UTP4: variants seen among roughly 807,000 people sequenced by gnomAD.
UTP4 encodes UTP4 small subunit processome component.
UTP4 carries 45 observed loss-of-function variants against 82.4 expected under a neutral mutation model. That is an observed-to-expected ratio of 0.55 (90% CI 0.43 to 0.70). The LOEUF is 0.70. Ranked by LOEUF, UTP4 falls within the 30% of genes least tolerant of loss-of-function variation. The probability of loss-of-function intolerance (pLI) is 0.00; values close to 1 mark genes in which losing one functional copy is unlikely to be tolerated. For missense variants in UTP4, 819 were observed against 858.3 expected, an observed-to-expected ratio of 0.95 and a Z score of 0.57; for synonymous variants, 348 against 300.3, an observed-to-expected ratio of 1.16 and a Z score of -1.64.
chr16:69,155,206 T>C (rs1963379230), intron 10 of UTP4, among the ~76,000 whole-genome samples: 1 of 152,120 alleles, frequency 6.6e-6, no homozygotes, highest in African/African-American at 2.4e-5. Context: ...CAGGGTCTCA[T>C]TGTGTTATCC....
intron 14 of UTP4, among the ~76,000 whole-genome samples, chr16:69,163,676 G>T (rs905480556): frequency 7.3e-6 from 1 of 137,232 alleles, no homozygotes; most frequent in Admixed American, 7.3e-5. Flanking sequence ...TGATTATAAG[G>T]AGATCTTTAA....
In UTP4 at chr16:69,165,337, T is replaced by G; in HGVS notation, c.1648-4T>G. 6.2e-7 allele frequency: 1 copy of G among 1,614,050 alleles called. No homozygotes were observed. Among genetic ancestry groups the G allele is most frequent in the Non-Finnish European group, 8.5e-7 (1 of 1,179,940 alleles). ...GCATTTCTCTATGTCATGTCCTCCCTCAGGTATTTGAGTACAGCATCCCAG... is the reference window on the plus strand; with the variant it reads ...GCATTTCTCTATGTCATGTCCTCCCGCAGGTATTTGAGTACAGCATCCCAG... On this transcript the variant is annotated splice_polypyrimidine_tract_variant and splice_region_variant and intron_variant, in intron 14 of 16. Transcript: ENST00000314423.
intron 6 of UTP4, among the ~76,000 whole-genome samples, chr16:69,145,550 G>GCATTTT (rs1963086454): frequency 6.6e-6 from 1 of 152,040 alleles, no homozygotes; most frequent in Non-Finnish European, 1.5e-5. Flanking sequence ...ACCGCCCCTG[G>GCATTTT]CTTTTTCTTT....
At chr16:69,137,649 C>T (rs958470041) in intron 3 of UTP4, 152 bp from the exon 4 acceptor site, 6 of 632,886 alleles carry the variant, frequency 9.5e-6, no homozygotes, top group Admixed American at 8.1e-5. Context: ...AGTACTTTCT[C>T]TCACAAATGA....
intron 16 of UTP4, among the ~76,000 whole-genome samples, chr16:69,168,162 C>T (rs545374928): frequency 1.3e-5 from 2 of 151,782 alleles, no homozygotes; most frequent in South Asian, 2.1e-4. Flanking sequence ...CTTGGCCGGG[C>T]GCAGTGGCTC....
intron 10 of UTP4, among the ~76,000 whole-genome samples, chr16:69,155,237 G>A (rs1348812553): frequency 6.6e-6 from 1 of 151,932 alleles, no homozygotes; most frequent in Non-Finnish European, 1.5e-5. Context: ...GCAGTGGCAC[G>A]GTCACGGCTC....
intron 13 of UTP4, 102 bp downstream of exon 13, chr16:69,160,564 A>G: frequency 2.5e-6 from 2 of 814,286 alleles, no homozygotes; most frequent in Non-Finnish European, 2.1e-6. Flanking sequence ...CTGGAAATTT[A>G]TTAGACTTTT....
rs1437630640 is a variant in UTP4, at chr16:69,168,885, ACAT to A, written c.2013_2015del (p.Ile672del). On this transcript the variant is annotated inframe_deletion, in exon 17 of 17. Transcript: ENST00000314423. ...GTGGCAGTAGAACGGCCTCTGGATGACATCATTGCTCAGCTCCCACCACCCATT... is the reference window on the plus strand; with the variant it reads ...GTGGCAGTAGAACGGCCTCTGGATGACATTGCTCAGCTCCCACCACCCATT... 1 of 1,614,076 alleles carries A rather than the reference ACAT, an allele frequency of 6.2e-7. No individual in the cohort carries two copies. The highest frequency in any genetic ancestry group is 1.7e-5 in the Admixed American group (1 of 60,008).
chr16:69,140,042 G>C (rs914239865), intron 5 of UTP4, 128 bp downstream of exon 5: 6 of 749,362 alleles, frequency 8.0e-6, no homozygotes, highest in African/African-American at 6.9e-5. Flanking sequence ...AATCTTCTGA[G>C]ATGTCCACAA....
chr16:69,165,705 G>T (rs1299457354), intron 15 of UTP4, 179 bp downstream of exon 15: 6 of 687,966 alleles, frequency 8.7e-6, no homozygotes, highest in Non-Finnish European at 1.6e-5. Flanking sequence ...TCCCTGGTTT[G>T]TGTTCCCACA....
At chr16:69,163,947 G>T (rs560886129) in intron 14 of UTP4, among the ~76,000 whole-genome samples, 10 of 147,058 alleles carry the variant, frequency 6.8e-5, no homozygotes, top group Non-Finnish European at 1.5e-4. Context: ...GTGCAGTGGT[G>T]CGATCTCCGA....
At chr16:69,133,057 C>T (rs2152275526) in intron 1 of UTP4, 1 of 278,316 alleles carries the variant, frequency 3.6e-6, no homozygotes, top group Non-Finnish European at 7.0e-6. Context: ...AAGTCAAACC[C>T]TGTCGTTTCT....
intron 6 of UTP4, among the ~76,000 whole-genome samples, chr16:69,147,948 T>A (rs907451711): frequency 2.0e-5 from 3 of 151,636 alleles, no homozygotes; most frequent in African/African-American, 7.3e-5. Context: ...TGTTTTGTTG[T>A]TTTGTTTGTT....
chr16:69,144,299 G>A (rs1963050665), intron 6 of UTP4, among the ~76,000 whole-genome samples: 1 of 152,076 alleles, frequency 6.6e-6, no homozygotes. Context: ...CCTCCAGGGA[G>A]CAATTTCTCC....
intron 12 of UTP4, among the ~76,000 whole-genome samples, chr16:69,159,069 A>AATTT (rs1272281868): frequency 6.6e-6 from 1 of 151,518 alleles, no homozygotes; most frequent in Non-Finnish European, 1.5e-5. Flanking sequence ...TTTTATTATT[A>AATTT]ATTTATTTAT....
chr16:69,152,282 TTTTA>T, intron 8 of UTP4, among the ~76,000 whole-genome samples: 1 of 151,814 alleles, frequency 6.6e-6, no homozygotes, highest in Non-Finnish European at 1.5e-5. Context: ...TCTTATTTTA[TTTTA>T]TTTGTTTTTG....
intron 6 of UTP4, among the ~76,000 whole-genome samples, chr16:69,145,994 G>A (rs1471120845): frequency 6.6e-6 from 1 of 151,342 alleles, no homozygotes; most frequent in African/African-American, 2.4e-5. Flanking sequence ...CTTAATGAGG[G>A]AACTGGTAAA....
intron 5 of UTP4, among the ~76,000 whole-genome samples, chr16:69,141,555 G>T (rs1263048778): frequency 6.6e-6 from 1 of 151,828 alleles, no homozygotes; most frequent in Non-Finnish European, 1.5e-5. Context: ...TAGGTTTCTT[G>T]GTATGTGGAT....
At chr16:69,162,385 G>A (rs548241202) in intron 13 of UTP4, among the ~76,000 whole-genome samples, 4 of 152,074 alleles carry the variant, frequency 2.6e-5, no homozygotes, top group South Asian at 2.1e-4. Flanking sequence ...AAACCAGCCC[G>A]GCCAACATAG....
Sources: allele counts gnomAD v4.1 joint callset (sites outside exome capture counted in the v4.1 genomes callset), GRCh38; gene constraint gnomAD v4.1.1; transcripts MANE v1.5; gene names NCBI Gene and HGNC (gene_info 2026-07-23, HGNC 2026-07-21).